The following ANKRD35 variants were observed in gnomAD, a reference collection of about 807,000 sequenced individuals.
ANKRD35 encodes ankyrin repeat domain 35.
A neutral mutation model predicts 109.9 loss-of-function variants in ANKRD35; 102 were observed. The ratio of observed to expected loss-of-function variants is 0.93; its 90% CI spans 0.79 to 1.09. The LOEUF (loss-of-function observed/expected upper bound fraction) is 1.09. Among genes scored for constraint, ANKRD35 ranks in the 50% least tolerant of loss-of-function variants. The pLI is 0.00. For synonymous variants in ANKRD35, 515 were observed against 512.4 expected (o/e 1.01, Z -0.07); for missense variants, 1,240 against 1,230.1 (o/e 1.01, Z -0.12).
At chr1:145,867,502 C>G in intron 12 of ANKRD35, 110 bp from the exon 13 acceptor site, 1 of 859,314 alleles carries the variant, frequency 1.2e-6, no homozygotes, top group Non-Finnish European at 1.9e-6. Flanking sequence ...TACTATATAC[C>G]TTCACTTATA....
At position 145,872,880 on chromosome 1, in the gene ANKRD35, TCCTCCA is replaced by T. The variant is rs1653895840; in HGVS notation, c.1883_1888del (p.Leu628_Glu630delinsGln). The T allele has an allele frequency of 6.2e-7, 1 of 1,613,956 alleles. No homozygotes were observed. The highest frequency in any genetic ancestry group is 1.7e-5 in the Admixed American group (1 of 60,000). On this transcript the variant is annotated inframe_deletion, in exon 10 of 14. Coordinates refer to ENST00000355594, the MANE Select transcript of ANKRD35 (RefSeq NM_144698.5). Reference sequence around the variant, plus strand: ...CCGCTCCCGCCCCAACTCCCCTAACTCCTCCAGCAAGTTACTGTTGCTCAGTCTCAG... The same window carrying T: ...CCGCTCCCGCCCCAACTCCCCTAACTGCAAGTTACTGTTGCTCAGTCTCAG...
chr1:145,885,715 C>A lies in ANKRD35; in HGVS notation c.39+5G>T, dbSNP rs782118105. 3.7e-6 allele frequency: 6 copies of A among 1,614,170 alleles called. No individual in the cohort carries two copies. The highest frequency in any genetic ancestry group is 5.1e-6 in the Non-Finnish European group (6 of 1,180,024). On this transcript the variant is annotated splice_donor_5th_base_variant and intron_variant, in intron 1 of 13. Coordinates refer to ENST00000355594, the MANE Select transcript of ANKRD35 (RefSeq NM_144698.5). Reference sequence around the variant, plus strand: ...CCCCATCCTCCCACACATTTTGGCACCTACCGCCACCTGTGTGCTGGAGCA... The same window carrying A: ...CCCCATCCTCCCACACATTTTGGCAACTACCGCCACCTGTGTGCTGGAGCA...
At chr1:145,871,266 C>T (rs967083769) in intron 10 of ANKRD35, among the ~76,000 whole-genome samples, 1 of 140,150 alleles carries the variant, frequency 7.1e-6, no homozygotes, top group Non-Finnish European at 1.5e-5. Context: ...CTGGTTCAGG[C>T]GATTCTCCTG....
chr1:145,867,765 C>T (rs587656079), intron 12 of ANKRD35, among the ~76,000 whole-genome samples: 2 of 152,250 alleles, frequency 1.3e-5, no homozygotes, highest in African/African-American at 2.4e-5. Context: ...AAAGTCCTTA[C>T]TATAGGCCAG....
At chr1:145,878,155 C>T (rs917197705) in intron 3 of ANKRD35, 123 bp from the exon 4 acceptor site, 11 of 1,043,614 alleles carry the variant, frequency 1.1e-5, no homozygotes, top group African/African-American at 4.7e-5. Flanking sequence ...TTCAGCCACA[C>T]GGGGCCAGAA....
In ANKRD35 at chr1:145,876,553, C is replaced by T. The variant is rs1404512774; in HGVS notation, c.453+16G>A. Reference sequence around the variant, plus strand: ...TTCTGTGTAGGACACTGCCCACTTGCCCATCTGACACTCACATTATCCAAC... The same window carrying T: ...TTCTGTGTAGGACACTGCCCACTTGTCCATCTGACACTCACATTATCCAAC... On this transcript the variant is annotated intron_variant, in intron 6 of 13. Coordinates refer to ENST00000355594, the MANE Select transcript of ANKRD35 (RefSeq NM_144698.5). The T allele has an allele frequency of 4.3e-6, 7 of 1,614,032 alleles. No individual in the cohort carries two copies. In the African/African-American group the frequency reaches 5.3e-5, roughly 12 times the overall value.
rs1377445243 is a variant in ANKRD35, at chr1:145,872,717, C to T, written c.2052G>A (p.Lys684=). Residue 684 remains lysine, a synonymous_variant, in exon 10 of 14, where the codon AAG becomes AAA. Transcript: ENST00000355594. The part of the protein sequence containing the change: ...GLLTNELAME[K]EATEKLRKLL... ...GCTTCCGCAGCTTCTCTGTGGCCTC[C>T]TTCTCCATGGCCAGTTCATTTGTCA... The T allele has an allele frequency of 6.2e-7, 1 of 1,614,140 alleles. No homozygotes were observed. The highest frequency in any genetic ancestry group is 2.2e-5 in the East Asian group (1 of 44,876).
chr1:145,883,326 C>T lies in ANKRD35; in HGVS notation c.39+2394G>A, dbSNP rs587612738. On this transcript the variant is annotated intron_variant, in intron 1 of 13. Coordinates refer to ENST00000355594, the MANE Select transcript of ANKRD35 (RefSeq NM_144698.5). ...TCCCAAACTCCTGACCTCAGGTGAT[C>T]CACCCGCTTCAGCCTCCCAAAGTGC... Among the ~76,000 whole-genome samples, 725 of 152,260 alleles carry T rather than the reference C, an allele frequency of 4.8e-3. 3 individuals are homozygous for T. Among genetic ancestry groups the T allele is most frequent in the Middle Eastern group, 0.024 (7 of 294 alleles).
rs781949171 is a variant in ANKRD35 at position 145,872,451 on chromosome 1, G to A, written c.2318C>T (p.Ala773Val). 1.2e-6 allele frequency: 2 copies of A among 1,607,926 alleles called. No individual in the cohort carries two copies. The highest frequency in any genetic ancestry group is 1.7e-6 in the Non-Finnish European group (2 of 1,177,674). ...PCREPGTSLKAPASPQVAALE... is the reference protein window; with the variant it reads ...PCREPGTSLKVPASPQVAALE... ...AGCGGCCACTTGGGGGGATGCTGGG[G>A]CCTTTAAGGAGGTGCCTGGCTCCCT... The change falls in exon 10 of 14, where the codon GCC becomes GTC. Residue 773 changes from alanine (A) to valine (V), a missense_variant. Coordinates refer to ENST00000355594, the MANE Select transcript of ANKRD35 (RefSeq NM_144698.5).
At chr1:145,868,190 A>G (rs587736549) in intron 11 of ANKRD35, 121 bp downstream of exon 11, 1 of 1,461,538 alleles carries the variant, frequency 6.8e-7, no homozygotes, top group East Asian at 2.3e-5. Flanking sequence ...ACCACTGCCT[A>G]GCCAGGCCTC....
At chr1:145,875,673 C>T (rs200385266) in intron 7 of ANKRD35, among the ~76,000 whole-genome samples, 4 of 152,090 alleles carry the variant, frequency 2.6e-5, no homozygotes, top group East Asian at 1.9e-4. Flanking sequence ...CTCAGCCTCC[C>T]GAGTAGCTGG....
chr1:145,871,153 C>CTTTTT (rs59433424), intron 10 of ANKRD35, among the ~76,000 whole-genome samples: 9 of 78,098 alleles, frequency 1.2e-4, no homozygotes, highest in African/African-American at 1.4e-4. Flanking sequence ...TTTCTTTTTT[C>CTTTTT]TTTTTTTTTT....
Position 145,872,753 on chromosome 1 carries a change from A to T in ANKRD35, c.2016T>A (p.Ser672Arg). 1 of 1,613,636 alleles carries T rather than the reference A, an allele frequency of 6.2e-7. No individual in the cohort carries two copies. The highest frequency in any genetic ancestry group is 2.2e-5 in the East Asian group (1 of 44,826). Residue 672 changes from serine (S) to arginine (R), a missense_variant, in exon 10 of 14, where the codon AGT becomes AGA. Physicochemically the swap from Ser to Arg is moderately radical, Grantham distance 110 (BLOSUM62 -1). Transcript: ENST00000355594. The stretch of plus-strand genomic sequence containing the variant: ...CCAGTTCATTTGTCAGCAGCCCCAC[A>T]CTCTGTCGCAACTGCTGTAGCTGGA... ...AQVQLQQLRQ[S>R]VGLLTNELAM...
In ANKRD35 at chr1:145,872,556, T is replaced by C. The variant is rs1653873678; in HGVS notation, c.2213A>G (p.Asp738Gly). The C allele has an allele frequency of 1.2e-6, 2 of 1,610,114 alleles. No individual in the cohort carries two copies. Among genetic ancestry groups the C allele is most frequent in the Non-Finnish European group, 1.7e-6 (2 of 1,178,252 alleles). Residue 738 changes from aspartate (D) to glycine (G), a missense_variant, in exon 10 of 14, where the codon GAT (aspartate) becomes GGT (glycine). Transcript: ENST00000355594. ...ELRACISTLV[D>G]RHREAQQVLA... Reference sequence around the variant, plus strand: ...CACCTGCTGGGCCTCCCGGTGCCGATCCACCAGGGTGCTGATGCAGGCCCG... The same window carrying C: ...CACCTGCTGGGCCTCCCGGTGCCGACCCACCAGGGTGCTGATGCAGGCCCG...
intron 1 of ANKRD35, among the ~76,000 whole-genome samples, chr1:145,883,843 T>G (rs782291096): frequency 1.3e-5 from 2 of 152,354 alleles, no homozygotes; most frequent in East Asian, 1.9e-4. Flanking sequence ...TTTGCAAGCT[T>G]TCTATGACTC....
At position 145,872,921 on chromosome 1, in the gene ANKRD35, C is replaced by G. The variant is rs1553739156; in HGVS notation, c.1848G>C (p.Glu616Asp). The G allele has an allele frequency of 1.9e-6, 3 of 1,613,082 alleles. No individual in the cohort carries two copies. The highest frequency in any genetic ancestry group is 2.5e-6 in the Non-Finnish European group (3 of 1,179,244). The change falls in exon 10 of 14, where the codon GAG (glutamate) becomes GAC (aspartate). Residue 616 changes from glutamate (E) to aspartate (D), a missense_variant. Coordinates refer to ENST00000355594, the MANE Select transcript of ANKRD35 (RefSeq NM_144698.5). ...GGLAKGQLEK[E>D]MSVLRLSNSN... is the part of the protein sequence containing the mutation. ...TGTTGCTCAGTCTCAGTACTGACATCTCCTTCTCCAGCTGTCCCTTTGCCA... is the reference window on the plus strand; with the variant it reads ...TGTTGCTCAGTCTCAGTACTGACATGTCCTTCTCCAGCTGTCCCTTTGCCA...
chr1:145,876,891 G>C lies in ANKRD35; in HGVS notation c.325-18C>G. 6.2e-7 allele frequency: 1 copy of C among 1,613,954 alleles called. No homozygotes were observed. The highest frequency in any genetic ancestry group is 1.3e-5 in the African/African-American group (1 of 75,024). ...GCACCATGCTGCAAATGGCCACAAA[G>C]GGAAGCAGCATGGAGCTTGGTGTTA... On this transcript the variant is annotated intron_variant, in intron 4 of 13. Transcript: ENST00000355594.
At position 145,872,475 on chromosome 1, in the gene ANKRD35, C is replaced by T. The variant is rs1553738941; in HGVS notation, c.2294G>A (p.Arg765Lys). 1.3e-6 allele frequency: 2 copies of T among 1,598,900 alleles called. No homozygotes were observed. Among genetic ancestry groups the T allele is most frequent in the African/African-American group, 1.3e-5 (1 of 74,832 alleles). ...GGCCTTTAAGGAGGTGCCTGGCTCCCTACACGGGGACAAGGACCCCCGCAA... is the reference window on the plus strand; with the variant it reads ...GGCCTTTAAGGAGGTGCCTGGCTCCTTACACGGGGACAAGGACCCCCGCAA... ...QQLRGSLSPC[R>K]EPGTSLKAPA... Residue 765 changes from arginine to lysine, a missense_variant, in exon 10 of 14, where the codon AGG becomes AAG. Transcript: ENST00000355594.
intron 10 of ANKRD35, among the ~76,000 whole-genome samples, chr1:145,871,414 C>T (rs1431537276): frequency 3.3e-5 from 5 of 152,058 alleles, no homozygotes; most frequent in African/African-American, 1.2e-4. Context: ...CCACCCGCCT[C>T]GGCATCCCAA....
Sources: gnomAD v4.1 joint callset for allele counts (sites outside exome capture counted in the v4.1 genomes callset) on GRCh38, gnomAD v4.1.1 for gene constraint, MANE v1.5 for transcripts, NCBI Gene and HGNC (gene_info 2026-07-23, HGNC 2026-07-21) for gene names.